The following LRRD1 variants were observed in gnomAD, a reference collection of about 807,000 sequenced individuals.
LRRD1 encodes the protein leucine rich repeats and death domain containing 1.
LRRD1 carries 49 observed loss-of-function variants against 69.5 expected under a neutral mutation model. The observed-to-expected ratio is 0.70, with a 90% CI of 0.56 to 0.89. LRRD1 has a LOEUF of 0.89. Among genes scored for constraint, LRRD1 ranks in the 40% least tolerant of loss-of-function variants. The probability of loss-of-function intolerance (pLI) is 0.00; values close to 1 mark genes in which losing one functional copy is unlikely to be tolerated. For synonymous variants in LRRD1, 303 were observed against 338.9 expected, an observed-to-expected ratio of 0.89 and a Z score of 1.16; for missense variants, 853 against 956.0, an observed-to-expected ratio of 0.89 and a Z score of 1.42.
intron 4 of LRRD1, among the ~76,000 whole-genome samples, chr7:92,147,473 G>GTGTTTTGTTT (rs66668611): frequency 0.094 from 14,131 of 149,874 alleles, 779 homozygotes; most frequent in Middle Eastern, 0.17. Context: ...GTGCGTGGGT[G>GTGTTTTGTTT]TGTTTTGTTT....
rs1788874814 is a variant in LRRD1 at position 92,164,944 on chromosome 7, A to G, written c.259T>C (p.Phe87Leu). The G allele has an allele frequency of 6.4e-7, 1 of 1,551,478 alleles. No homozygotes were observed. The highest frequency in any genetic ancestry group is 8.7e-7 in the Non-Finnish European group (1 of 1,146,914). The change falls in exon 2 of 6, where the codon TTT becomes CTT. Residue 87 changes from phenylalanine to leucine, a missense_variant. Phe to Leu is a conservative substitution (Grantham distance 22). Coordinates refer to ENST00000458448, the MANE Select transcript of LRRD1 (RefSeq NM_001161528.2). ...CCTGTTCTAGTGCTTGTTTCAGAAAATTGAAGATTTTTCTTTTGTTCTTCA... is the reference window on the plus strand; with the variant it reads ...CCTGTTCTAGTGCTTGTTTCAGAAAGTTGAAGATTTTTCTTTTGTTCTTCA... Reference protein sequence around the residue: ...RNEEQKKNLQFSETSTRTGTS... With the variant: ...RNEEQKKNLQLSETSTRTGTS...
At chr7:92,174,093 T>C (rs1400540508) in intron 1 of LRRD1, among the ~76,000 whole-genome samples, 1 of 152,060 alleles carries the variant, frequency 6.6e-6, no homozygotes, top group African/African-American at 2.4e-5. Flanking sequence ...ATAAATATCA[T>C]ATGTTCTCAC....
chr7:92,171,005 T>C (rs1315196397), intron 1 of LRRD1, among the ~76,000 whole-genome samples: 1 of 151,892 alleles, frequency 6.6e-6, no homozygotes, highest in African/African-American at 2.4e-5. Flanking sequence ...CAAATGAAAA[T>C]GGAAATACAA....
At chr7:92,148,448 C>T (rs1820383457) in intron 4 of LRRD1, among the ~76,000 whole-genome samples, 2 of 146,284 alleles carry the variant, frequency 1.4e-5, no homozygotes, top group African/African-American at 2.6e-5. Context: ...TTTATATATA[C>T]TCTCTCAGGC....
chr7:92,149,333 A>G (rs191378799), intron 4 of LRRD1, among the ~76,000 whole-genome samples: 1 of 152,322 alleles, frequency 6.6e-6, no homozygotes, highest in Admixed American at 6.5e-5. Context: ...TTGGTATTCC[A>G]TTTCCCCAAA....
Position 92,164,993 on chromosome 7 carries a change from G to A in LRRD1, c.210C>T (p.Ser70=). 5 of 1,551,266 alleles carry A rather than the reference G, an allele frequency of 3.2e-6. 1 individual carries two copies. In the South Asian group the frequency reaches 6.0e-5, roughly 18 times the overall value. The change falls in exon 2 of 6, where the codon TCC becomes TCT. Residue 70 remains serine, a synonymous_variant. Coordinates refer to ENST00000458448, the MANE Select transcript of LRRD1 (RefSeq NM_001161528.2). ...CATTTCTCTTAGACTTCCTTCCAGA[G>A]GAAGATGTTGACTCTAATGTATTCT... ...PRQNTLESTS[S]SGRKSKRNEE... is the part of the protein sequence containing the mutation.
rs1030177560 is a variant in LRRD1, at chr7:92,165,011, T to A, written c.192A>T (p.Thr64=). ...QIYETHPRQN[T]LESTSSSGRK... ...TTCCAGAGGAAGATGTTGACTCTAA[T>A]GTATTCTGTCTAGGATGTGTTTCAT... The change falls in exon 2 of 6, where the codon ACA becomes ACT. Residue 64 remains threonine (T), a synonymous_variant. Coordinates refer to ENST00000458448, the MANE Select transcript of LRRD1 (RefSeq NM_001161528.2). The A allele has an allele frequency of 6.4e-7, 1 of 1,551,380 alleles. No individual in the cohort carries two copies. Among genetic ancestry groups the A allele is most frequent in the Admixed American group, 2.0e-5 (1 of 50,990 alleles).
Position 92,164,177 on chromosome 7 carries a change from A to G in LRRD1, c.1026T>C (p.Ala342=). 3 of 1,547,732 alleles carry G rather than the reference A, an allele frequency of 1.9e-6. No homozygotes were observed. The highest frequency in any genetic ancestry group is 2.6e-6 in the Non-Finnish European group (3 of 1,146,028). ...TTTTGAGTAACTGAAAAATTTCTAC[A>G]GCCAGAAAGGTAAGCTTATTGTGAT... ...LMDHNKLTFL[A]VEIFQLLKIK... is the part of the protein sequence containing the mutation. The change falls in exon 2 of 6, where the codon GCT becomes GCC. Residue 342 remains alanine (A), a synonymous_variant. Transcript: ENST00000458448.
intron 2 of LRRD1, among the ~76,000 whole-genome samples, chr7:92,162,536 T>C (rs935017852): frequency 7.2e-5 from 11 of 152,218 alleles, no homozygotes; most frequent in Non-Finnish European, 2.9e-5. Flanking sequence ...AACTTACTCC[T>C]AGAGTTTCAG....
chr7:92,145,159 CAATT>C (rs1820287211), intron 5 of LRRD1, 85 bp from the exon 6 acceptor site: 7 of 734,174 alleles, frequency 9.5e-6, no homozygotes, highest in Middle Eastern at 4.9e-4. Context: ...TCTGAATTGT[CAATT>C]AAGAACATTG....
chr7:92,156,635 T>G (rs1788663783), intron 3 of LRRD1, among the ~76,000 whole-genome samples: 1 of 152,232 alleles, frequency 6.6e-6, no homozygotes, highest in African/African-American at 2.4e-5. Context: ...GTATATTAAC[T>G]CTGTATACGG....
intron 1 of LRRD1, among the ~76,000 whole-genome samples, 180 bp from the exon 2 acceptor site, chr7:92,165,456 T>C (rs1788887016): frequency 6.6e-6 from 1 of 152,136 alleles, no homozygotes. Context: ...CATGTACTTA[T>C]CACATGTTAC....
chr7:92,178,856 A>G (rs1272986012), intron 1 of LRRD1, 151 bp downstream of exon 1: 1 of 152,236 alleles, frequency 6.6e-6, no homozygotes, highest in Non-Finnish European at 1.5e-5. Flanking sequence ...TGCAGCATCA[A>G]CAAATTGTTT....
intron 1 of LRRD1, among the ~76,000 whole-genome samples, chr7:92,176,539 G>A (rs1469812504): frequency 6.6e-6 from 1 of 150,524 alleles, no homozygotes; most frequent in African/African-American, 2.5e-5. Flanking sequence ...TCACTGGTGT[G>A]GTATATTACA....
chr7:92,171,979 G>A lies in LRRD1; in HGVS notation c.-74-6703C>T, dbSNP rs545106555. Among the ~76,000 whole-genome samples the A allele has an allele frequency of 1.8e-3, 267 of 152,226 alleles. 1 individual carries two copies. The highest frequency in any genetic ancestry group is 2.6e-3 in the Non-Finnish European group (179 of 68,000). On this transcript the variant is annotated intron_variant, in intron 1 of 5. Coordinates refer to ENST00000458448, the MANE Select transcript of LRRD1 (RefSeq NM_001161528.2). ...CAATAAAATTCAACATCCCAAATTA[G>A]CTGGTGTGTTGGCACATGCCTGTGG...
At chr7:92,157,316 C>T (rs1788682229) in intron 3 of LRRD1, among the ~76,000 whole-genome samples, 1 of 151,872 alleles carries the variant, frequency 6.6e-6, no homozygotes, top group South Asian at 2.1e-4. Context: ...AGGGTAAATC[C>T]CACTTGGTCA....
chr7:92,151,777 C>T (rs1820473184), intron 3 of LRRD1, among the ~76,000 whole-genome samples: 1 of 151,934 alleles, frequency 6.6e-6, no homozygotes, highest in Admixed American at 6.6e-5. Flanking sequence ...GGCAAAACCC[C>T]ATCTCTACTA....
At chr7:92,151,874 G>A (rs1243262592) in intron 3 of LRRD1, among the ~76,000 whole-genome samples, 2 of 151,392 alleles carry the variant, frequency 1.3e-5, no homozygotes, top group African/African-American at 4.9e-5. Flanking sequence ...GCATGAACCC[G>A]GGAGGCAGAG....
intron 1 of LRRD1, among the ~76,000 whole-genome samples, chr7:92,173,377 G>C (rs1477632267): frequency 6.6e-6 from 1 of 152,178 alleles, no homozygotes; most frequent in Non-Finnish European, 1.5e-5. Flanking sequence ...CTTCTGCGCA[G>C]CAAAGGAAGC....
Sources: allele counts gnomAD v4.1 joint callset (sites outside exome capture counted in the v4.1 genomes callset), GRCh38; gene constraint gnomAD v4.1.1; transcripts MANE v1.5; gene names NCBI Gene and HGNC (gene_info 2026-07-23, HGNC 2026-07-21).